GABRG2: variants seen among roughly 807,000 people sequenced by gnomAD.
The protein encoded by GABRG2 is gamma-aminobutyric acid receptor subunit gamma-2.
A neutral mutation model predicts 56.4 loss-of-function variants in GABRG2; 16 were observed. The observed-to-expected ratio is 0.28, with a 90% CI of 0.19 to 0.43. GABRG2 has a LOEUF of 0.43. Among genes scored for constraint, GABRG2 ranks in the 20% least tolerant of loss-of-function variants. The pLI is 1.00. For missense variants in GABRG2, 327 were observed against 582.7 expected (o/e 0.56, Z 4.52); for synonymous variants, 208 against 205.5 (o/e 1.01, Z -0.10).
intron 9 of GABRG2, chr5:162,152,548 T>C: frequency 2.7e-6 from 1 of 366,680 alleles, no homozygotes; most frequent in Non-Finnish European, 5.4e-6. Flanking sequence ...CATAGTCCTT[T>C]AAAACATAAG....
At chr5:162,069,823 T>C (rs889332262) in intron 1 of GABRG2, among the ~76,000 whole-genome samples, 5 of 152,186 alleles carry the variant, frequency 3.3e-5, no homozygotes, top group Non-Finnish European at 7.4e-5. Context: ...AGGTTGTGGA[T>C]AGCTATTAAT....
intron 1 of GABRG2, among the ~76,000 whole-genome samples, chr5:162,072,637 T>G (rs1758764061): frequency 6.6e-6 from 1 of 151,960 alleles, no homozygotes; most frequent in African/African-American, 2.4e-5. Flanking sequence ...TAAGATAATA[T>G]CAATTTTATG....
intron 1 of GABRG2, chr5:162,083,637 G>T: frequency 6.3e-6 from 1 of 158,346 alleles, no homozygotes; most frequent in South Asian, 1.6e-4. Context: ...AACGTTTTTG[G>T]TATTGTCTTG....
chr5:162,067,663 A>G (rs1009701328), upstream of GABRG2: 4 of 597,024 alleles, frequency 6.7e-6, no homozygotes, highest in African/African-American at 1.9e-5. Flanking sequence ...GGGCATGAGT[A>G]TACACGAGTG....
chr5:162,152,023 G>C (rs1364834171), intron 9 of GABRG2: 1 of 360,376 alleles, frequency 2.8e-6, no homozygotes, highest in African/African-American at 2.1e-5. Flanking sequence ...AAGCCAAAAT[G>C]AGCTTCCTCT....
At chr5:162,131,350 C>T (rs776717594) in intron 6 of GABRG2, among the ~76,000 whole-genome samples, 15 of 151,968 alleles carry the variant, frequency 9.9e-5, no homozygotes, top group Admixed American at 9.9e-4. Context: ...CCAGTGGTAT[C>T]GCACGCTGTT....
chr5:162,091,971 G>GT (rs1055012691), intron 1 of GABRG2, among the ~76,000 whole-genome samples: 2 of 152,026 alleles, frequency 1.3e-5, no homozygotes, highest in African/African-American at 2.4e-5. Flanking sequence ...AATTTAAACC[G>GT]TAATATATTC....
chr5:162,114,309 G>C (rs1055068236), intron 6 of GABRG2, among the ~76,000 whole-genome samples: 4 of 151,918 alleles, frequency 2.6e-5, no homozygotes, highest in Non-Finnish European at 5.9e-5. Context: ...TCATATTTTG[G>C]AAAGCAATGT....
chr5:162,150,168 T>TTATA (rs150937422), intron 8 of GABRG2: 1 of 154,394 alleles, frequency 6.5e-6, no homozygotes, highest in Non-Finnish European at 1.4e-5. Flanking sequence ...CTTGTGTGTT[T>TTATA]TATATATATA....
chr5:162,098,042 G>A (rs548928961), intron 4 of GABRG2, 184 bp downstream of exon 4: 5 of 606,556 alleles, frequency 8.2e-6, no homozygotes, highest in South Asian at 8.2e-5. Flanking sequence ...TTATCAATGA[G>A]CTTTTTCAAA....
At chr5:162,109,883 T>A (rs960016553) in intron 6 of GABRG2, among the ~76,000 whole-genome samples, 18 of 152,062 alleles carry the variant, frequency 1.2e-4, no homozygotes, top group Non-Finnish European at 2.6e-4. Flanking sequence ...ACGGGAAACT[T>A]ACATTGGTGG....
At chr5:162,133,755 T>A (rs1448656855) in intron 6 of GABRG2, among the ~76,000 whole-genome samples, 5 of 152,034 alleles carry the variant, frequency 3.3e-5, no homozygotes, top group Admixed American at 3.3e-4. Flanking sequence ...ATAAAGAGAA[T>A]TTTCTAGTAA....
chr5:162,103,901 G>A lies in GABRG2; in HGVS notation c.644G>A (p.Arg215His), dbSNP rs1561645172. Residue 215 changes from arginine to histidine, a missense_variant, in exon 6 of 10, where the codon CGT (arginine) becomes CAT (histidine). Around this residue, in one of 4 missense-constraint regions of GABRG2, gnomAD observed 104 missense variants for 209.3 expected, o/e 0.50. Transcript: ENST00000639213. ...TATCTCACGGCAGATGGCTATCCAC[G>A]TGAAGAAATTGTTTATCAATGGAAG... ...PLEFSSYGYP[R>H]EEIVYQWKRS... The A allele has an allele frequency of 3.1e-6, 5 of 1,613,784 alleles. No homozygotes were observed. Among genetic ancestry groups the A allele is most frequent in the Non-Finnish European group, 3.4e-6 (4 of 1,179,932 alleles).
intron 1 of GABRG2, among the ~76,000 whole-genome samples, chr5:162,089,922 A>C (rs1760427970): frequency 6.6e-6 from 1 of 152,144 alleles, no homozygotes; most frequent in South Asian, 2.1e-4. Context: ...CTGCATGACT[A>C]ATCTTCACAA....
intron 6 of GABRG2, among the ~76,000 whole-genome samples, chr5:162,126,253 C>A (rs1763334867): frequency 6.6e-6 from 1 of 151,952 alleles, no homozygotes; most frequent in African/African-American, 2.4e-5. Flanking sequence ...GAGAGTATGA[C>A]TGAAGAAGTC....
chr5:162,073,987 C>G (rs771073906), intron 1 of GABRG2, among the ~76,000 whole-genome samples: 1 of 151,780 alleles, frequency 6.6e-6, no homozygotes, highest in African/African-American at 2.4e-5. Flanking sequence ...ATAGTCACCC[C>G]CCGGCTTTTT....
intron 6 of GABRG2, among the ~76,000 whole-genome samples, chr5:162,120,139 T>C (rs1762886642): frequency 6.6e-6 from 1 of 152,152 alleles, no homozygotes; most frequent in African/African-American, 2.4e-5. Flanking sequence ...GTTTCCATAG[T>C]TGTGCCAACT....
At chr5:162,073,176 A>G (rs1036907484) in intron 1 of GABRG2, among the ~76,000 whole-genome samples, 2 of 151,974 alleles carry the variant, frequency 1.3e-5, no homozygotes, top group Non-Finnish European at 1.5e-5. Flanking sequence ...TAAGATACTC[A>G]GTCTCCACCA....
intron 1 of GABRG2, among the ~76,000 whole-genome samples, chr5:162,069,414 A>G (rs909076157): frequency 5.3e-5 from 8 of 152,196 alleles, no homozygotes; most frequent in Admixed American, 1.3e-4. Flanking sequence ...ACAATCTTAC[A>G]TGGTAGTTGT....
Sources: gnomAD v4.1 joint callset for allele counts (sites outside exome capture counted in the v4.1 genomes callset) on GRCh38, gnomAD v4.1.1 for gene constraint, gnomAD v4.1.1 regional missense constraint, MANE v1.5 for transcripts, NCBI Gene and HGNC (gene_info 2026-07-23, HGNC 2026-07-21) for gene names.